DISC1: variants seen among roughly 807,000 people sequenced by gnomAD.
The protein encoded by DISC1 is DISC1 scaffold protein, also known as disrupted in schizophrenia 1 protein.
Under a neutral mutation model 84.5 loss-of-function variants are expected in DISC1, and 57 were observed. That is an observed-to-expected ratio of 0.67 (90% CI 0.55 to 0.84). DISC1 has a LOEUF of 0.84. Ranked by LOEUF, DISC1 falls within the 40% of genes least tolerant of loss-of-function variation. The pLI is 0.00. For missense variants in DISC1, 1,000 were observed against 1,057.8 expected (o/e 0.95, Z 0.76); for synonymous variants, 411 against 415.2 (o/e 0.99, Z 0.12).
intron 10 of DISC1, among the ~76,000 whole-genome samples, chr1:231,996,755 C>A (rs539201966): frequency 4.6e-5 from 7 of 152,238 alleles, no homozygotes; most frequent in African/African-American, 1.7e-4. Flanking sequence ...ATCTCCTAGA[C>A]CCCATTTTAC....
At chr1:231,799,425 G>C (rs890800831) in intron 7 of DISC1, among the ~76,000 whole-genome samples, 11 of 152,072 alleles carry the variant, frequency 7.2e-5, no homozygotes, top group African/African-American at 2.4e-4. Context: ...TGCTCACATA[G>C]AGCTCGTATC....
intron 11 of DISC1, among the ~76,000 whole-genome samples, chr1:232,016,063 A>T (rs1363211332): frequency 6.6e-6 from 1 of 152,170 alleles, no homozygotes; most frequent in Admixed American, 6.5e-5. Flanking sequence ...CCAGCAAACT[A>T]CAGGGGTGCC....
chr1:231,907,011 T>C (rs1263209658), intron 9 of DISC1, among the ~76,000 whole-genome samples: 1 of 76,954 alleles, frequency 1.3e-5, no homozygotes, highest in Non-Finnish European at 2.7e-5. Context: ...TCTCTCTCTC[T>C]TTCTTTTTCT....
At chr1:231,744,346 G>T (rs1259872614) in intron 3 of DISC1, among the ~76,000 whole-genome samples, 2 of 152,164 alleles carry the variant, frequency 1.3e-5, no homozygotes, top group Non-Finnish European at 2.9e-5. Context: ...CAGAAGGGAA[G>T]CTCTGATGAA....
chr1:231,642,321 C>T (rs542416030), intron 1 of DISC1, among the ~76,000 whole-genome samples: 85 of 152,368 alleles, frequency 5.6e-4, no homozygotes, highest in African/African-American at 1.8e-3. Flanking sequence ...AGGGAGCCGG[C>T]TCCGGCCTTG....
chr1:231,789,933 G>A (rs150349817), intron 6 of DISC1, among the ~76,000 whole-genome samples: 19 of 151,756 alleles, frequency 1.3e-4, no homozygotes, highest in East Asian at 7.8e-4. Context: ...ATCATAATCC[G>A]TAATCATTTT....
At chr1:231,701,312 C>T (rs2066388262) in intron 2 of DISC1, among the ~76,000 whole-genome samples, 1 of 152,170 alleles carries the variant, frequency 6.6e-6, no homozygotes, top group African/African-American at 2.4e-5. Context: ...ATGGGAGCTA[C>T]AATTCAAGAT....
intron 10 of DISC1, among the ~76,000 whole-genome samples, chr1:231,985,349 A>G (rs904366268): frequency 3.3e-5 from 5 of 151,844 alleles, no homozygotes; most frequent in Non-Finnish European, 7.4e-5. Flanking sequence ...AAAAAAAAAA[A>G]AAAAAAGAAA....
chr1:231,722,771 GC>G (rs2125113846), intron 3 of DISC1: 1 of 1,486,252 alleles, frequency 6.7e-7, no homozygotes, highest in Non-Finnish European at 8.9e-7. Flanking sequence ...TTTCAGGATA[GC>G]AGCTGTCTGG....
chr1:231,834,276 G>GGCCTGGTGAGGAGCA (rs1279596236), intron 9 of DISC1, among the ~76,000 whole-genome samples: 2 of 151,926 alleles, frequency 1.3e-5, no homozygotes, highest in Non-Finnish European at 2.9e-5. Context: ...GACCTAGCTT[G>GGCCTGGTGAGGAGCA]GCCTGGTGAG....
At chr1:231,720,591 C>T (rs918942216) in intron 3 of DISC1, among the ~76,000 whole-genome samples, 2 of 152,286 alleles carry the variant, frequency 1.3e-5, no homozygotes, top group African/African-American at 2.4e-5. Context: ...CCTCCCACTT[C>T]GGCCTCTCAA....
chr1:232,019,439 G>A (rs1019391684), intron 11 of DISC1, among the ~76,000 whole-genome samples: 3 of 152,154 alleles, frequency 2.0e-5, no homozygotes, highest in Admixed American at 1.3e-4. Flanking sequence ...TTGAAATGCC[G>A]AGCAACCTGT....
intron 3 of DISC1, among the ~76,000 whole-genome samples, chr1:231,713,724 A>ATG (rs1491319809): frequency 7.5e-6 from 1 of 132,972 alleles, no homozygotes; most frequent in East Asian, 2.2e-4. Context: ...ATATATATAT[A>ATG]GGAGATATAT....
intron 3 of DISC1, among the ~76,000 whole-genome samples, chr1:231,742,254 TA>T (rs2073380626): frequency 6.6e-6 from 1 of 152,120 alleles, no homozygotes; most frequent in Admixed American, 6.6e-5. Flanking sequence ...AATTAGTGAA[TA>T]GGGGTGTCAT....
intron 6 of DISC1, among the ~76,000 whole-genome samples, chr1:231,773,445 T>C (rs1336824202): frequency 3.3e-5 from 5 of 152,116 alleles, no homozygotes; most frequent in Non-Finnish European, 7.4e-5. Context: ...AGTGCAGTGG[T>C]GCGATCTCGG....
intron 9 of DISC1, among the ~76,000 whole-genome samples, chr1:231,956,573 A>G (rs1166496887): frequency 6.6e-6 from 1 of 151,862 alleles, no homozygotes. Flanking sequence ...TTTCCATTCC[A>G]CTCAGAACAC....
At chr1:231,813,934 C>T (rs1448836501) in intron 8 of DISC1, among the ~76,000 whole-genome samples, 2 of 152,094 alleles carry the variant, frequency 1.3e-5, no homozygotes, top group Non-Finnish European at 2.9e-5. Context: ...TACTTGTTCT[C>T]TTTTGTGCTT....
intron 6 of DISC1, among the ~76,000 whole-genome samples, chr1:231,787,098 G>T (rs2077931764): frequency 2.0e-5 from 3 of 152,262 alleles, no homozygotes; most frequent in South Asian, 4.1e-4. Flanking sequence ...ATTTAAGTAT[G>T]TTCTAAGGCT....
At chr1:231,851,590 AG>A (rs1312500783) in intron 9 of DISC1, among the ~76,000 whole-genome samples, 4 of 152,330 alleles carry the variant, frequency 2.6e-5, no homozygotes, top group Admixed American at 2.0e-4. Context: ...GGGCTCCCCC[AG>A]CACAGGTGTC....
Sources: allele counts gnomAD v4.1 joint callset (sites outside exome capture counted in the v4.1 genomes callset), GRCh38; gene constraint gnomAD v4.1.1; transcripts MANE v1.5; gene names NCBI Gene and HGNC (gene_info 2026-07-23, HGNC 2026-07-21).